Variants in NCOR2 observed in about 807,000 individuals in gnomAD.
NCOR2 encodes CTG repeat protein 26.
NCOR2 carries 81 observed loss-of-function variants against 262.9 expected under a neutral mutation model. That is an observed-to-expected ratio of 0.31 (90% CI 0.26 to 0.37). NCOR2 has a LOEUF of 0.37. Among genes scored for constraint, NCOR2 ranks in the 10% least tolerant of loss-of-function variants. The probability of loss-of-function intolerance (pLI) is 1.00; values close to 1 mark genes in which losing one functional copy is unlikely to be tolerated. For synonymous variants in NCOR2, 1,659 were observed against 1,559.3 expected, an observed-to-expected ratio of 1.06 and a Z score of -1.51; for missense variants, 3,385 against 3,621.4, an observed-to-expected ratio of 0.93 and a Z score of 1.68.
chr12:124,437,863 G>A (rs1312287949), intron 8 of NCOR2, 67 bp downstream of exon 10: 15 of 1,470,806 alleles, frequency 1.0e-5, no homozygotes, highest in East Asian at 4.8e-5. Context: ...GGCAGGTGTG[G>A]CCCCCTGTGC....
chr12:124,394,497 G>A (rs1418085359), intron 16 of NCOR2, among the ~76,000 whole-genome samples: 1 of 152,232 alleles, frequency 6.6e-6, no homozygotes, highest in Non-Finnish European at 1.5e-5. Flanking sequence ...ACCTTATTTG[G>A]AAAAAGGATG....
chr12:124,334,223 C>A, intron 41 of NCOR2: 1 of 510,338 alleles, frequency 2.0e-6, no homozygotes, highest in Non-Finnish European at 3.4e-6. Flanking sequence ...CCACTGAGCA[C>A]AGCATGTACT....
Position 124,378,279 on chromosome 12 carries a change from C to T in NCOR2, c.2125G>A (p.Gly709Ser). ...ATCTCCTCCTCATTTCCGCTCACGC[C>T]CGACGCCTCCATCTCCTCATCCTCC... Residue 709 changes from glycine (G) to serine (S), a missense_variant, in exon 18 of 47, where the codon GGC (glycine) becomes AGC (serine). By Grantham distance (56) the Gly-to-Ser change is moderately conservative. Coordinates refer to ENST00000405201, the Ensembl canonical transcript of NCOR2. This position sits in a 1 kb window ranked among gnomAD's most constrained non-coding sequence, Gnocchi z 4.2. The T allele has an allele frequency of 6.2e-7, 1 of 1,614,044 alleles. No homozygotes were observed. Among genetic ancestry groups the T allele is most frequent in the Admixed American group, 1.7e-5 (1 of 60,024 alleles).
Position 124,422,493 on chromosome 12 carries a change from C to A in NCOR2, c.1383+8G>T, listed in dbSNP as rs367704845. On this transcript the variant is annotated splice_region_variant and intron_variant, in intron 12 of 46. Coordinates refer to ENST00000405201, the Ensembl canonical transcript of NCOR2. ...GACCGAAGGGGTATGGGGCGGGCAG[C>A]GACTCACCTTCCTCTCCAGGAATGA... is the stretch of plus-strand genomic sequence containing the variant. The A allele has an allele frequency of 6.2e-7, 1 of 1,613,916 alleles. No homozygotes were observed. Among genetic ancestry groups the A allele is most frequent in the Non-Finnish European group, 8.5e-7 (1 of 1,179,980 alleles).
At chr12:124,348,631 G>C (rs1031152721) in intron 28 of NCOR2, 1 of 418,150 alleles carries the variant, frequency 2.4e-6, no homozygotes, top group Non-Finnish European at 4.3e-6. Context: ...GAGCACGTGA[G>C]TCTGTGTCCA....
chr12:124,438,656 G>A (rs908550298), intron 7 of NCOR2, among the ~76,000 whole-genome samples: 3 of 139,270 alleles, frequency 2.2e-5, no homozygotes, highest in Non-Finnish European at 4.8e-5. Context: ...GCACGTCCTG[G>A]GAGACGGGAG....
chr12:124,474,053 T>C (rs923286141), intron 3 of NCOR2, among the ~76,000 whole-genome samples: 2 of 152,200 alleles, frequency 1.3e-5, no homozygotes, highest in Admixed American at 6.5e-5. Context: ...AACTCCCTGT[T>C]CGCGTAACAC....
At position 124,344,839 on chromosome 12, in the gene NCOR2, T is replaced by C. The variant is rs1164577873; in HGVS notation, c.4472A>G (p.Asp1491Gly). 1 of 1,564,444 alleles carries C rather than the reference T, an allele frequency of 6.4e-7. No individual in the cohort carries two copies. Among genetic ancestry groups the C allele is most frequent in the African/African-American group, 1.4e-5 (1 of 73,890 alleles). Reference sequence around the variant, plus strand: ...CAGTGCCCGGGCGTCGGCCATCACATCCAGCGGGTGCACGGGTGGGAACGT... The same window carrying C: ...CAGTGCCCGGGCGTCGGCCATCACACCCAGCGGGTGCACGGGTGGGAACGT... The change falls in exon 32 of 47, where the codon GAT becomes GGT. Residue 1491 changes from aspartate to glycine, a missense_variant. Coordinates refer to ENST00000405201, the Ensembl canonical transcript of NCOR2.
chr12:124,390,927 G>A (rs1394621643), intron 16 of NCOR2, among the ~76,000 whole-genome samples: 2 of 152,284 alleles, frequency 1.3e-5, no homozygotes, highest in Non-Finnish European at 1.5e-5. Context: ...GCCGAGTGGA[G>A]AGCCAGGCGC....
chr12:124,369,797 G>A (rs1017905857), intron 20 of NCOR2, among the ~76,000 whole-genome samples: 2 of 152,116 alleles, frequency 1.3e-5, no homozygotes, highest in Non-Finnish European at 2.9e-5. Flanking sequence ...ACGTACGCCA[G>A]GCCCAGCTCG....
At chr12:124,429,342 C>T in intron 10 of NCOR2, 1 of 497,058 alleles carries the variant, frequency 2.0e-6, no homozygotes, top group Non-Finnish European at 3.6e-6. Flanking sequence ...AACCCCCTCC[C>T]TGTTGTGGCA....
chr12:124,360,479 G>A (rs780765471), intron 22 of NCOR2, among the ~76,000 whole-genome samples: 9 of 152,190 alleles, frequency 5.9e-5, no homozygotes, highest in Non-Finnish European at 8.8e-5. Flanking sequence ...ACTCAACAAC[G>A]GCCAGACAGA....
chr12:124,438,023 G>A (rs1783813031), intron 7 of NCOR2, 27 bp from the exon 10 acceptor site: 1 of 1,597,006 alleles, frequency 6.3e-7, no homozygotes, highest in Middle Eastern at 1.7e-4. Context: ...CGGCAGACAG[G>A]TCAGCCCGGC....
intron 16 of NCOR2, among the ~76,000 whole-genome samples, chr12:124,390,580 G>A (rs1377396715): frequency 2.6e-5 from 4 of 151,684 alleles, no homozygotes; most frequent in Admixed American, 1.3e-4. Flanking sequence ...GCAGGTGTCC[G>A]GGGCCTGCTG....
At chr12:124,465,270 C>T (rs1430823761) in intron 5 of NCOR2, among the ~76,000 whole-genome samples, 1 of 151,962 alleles carries the variant, frequency 6.6e-6, no homozygotes, top group Admixed American at 6.5e-5. Flanking sequence ...TCAGTTTCCT[C>T]ATCCAGAAAA....
intron 5 of NCOR2, among the ~76,000 whole-genome samples, chr12:124,465,636 C>T (rs1266431364): frequency 1.3e-5 from 2 of 152,158 alleles, no homozygotes; most frequent in Non-Finnish European, 2.9e-5. Flanking sequence ...TGTGGTCTGA[C>T]AGCCCACAGG....
Position 124,340,705 on chromosome 12 carries a change from G to A in NCOR2, c.5235C>T (p.Pro1745=), listed in dbSNP as rs1342529995. Residue 1745 remains proline (P), a synonymous_variant, in exon 35 of 47, where the codon CCC becomes CCT. Transcript: ENST00000405201. ...CGGTGGCTGGGGTGCCTGGTGTCGGGGGCACGAGCACAGGCAGGTGTGGCA... is the reference window on the plus strand; with the variant it reads ...CGGTGGCTGGGGTGCCTGGTGTCGGAGGCACGAGCACAGGCAGGTGTGGCA... The A allele has an allele frequency of 1.9e-6, 3 of 1,542,154 alleles. No homozygotes were observed. In the East Asian group the frequency reaches 6.8e-5, roughly 35 times the overall value.
rs2047769281 is a variant in NCOR2, at chr12:124,486,388, T to C, written c.233+53A>G. 3 of 1,599,852 alleles carry C rather than the reference T, an allele frequency of 1.9e-6. No homozygotes were observed. In the South Asian group the frequency reaches 3.4e-5, roughly 18 times the overall value. On this transcript the variant is annotated intron_variant, in intron 2 of 46. Transcript: ENST00000405201. ...TCTGCCACGGGCCTCTGCTTCTCCA[T>C]CTGAGAAGGAGCTCTCACGCCCTGG...
chr12:124,420,768 G>A (rs750179958), intron 12 of NCOR2, among the ~76,000 whole-genome samples: 12 of 152,332 alleles, frequency 7.9e-5, no homozygotes, highest in South Asian at 4.1e-4. Context: ...GCCCACAGCC[G>A]TTCCCCTTAC....
Sources: gnomAD v4.1 joint callset for allele counts (sites outside exome capture counted in the v4.1 genomes callset) on GRCh38, gnomAD v4.1.1 for gene constraint, Gnocchi (gnomAD v3.1) non-coding constraint, MANE v1.5 for transcripts, NCBI Gene and HGNC (gene_info 2026-07-23, HGNC 2026-07-21) for gene names.